The following TLE2 variants were observed in gnomAD, a reference collection of about 807,000 sequenced individuals.
TLE2 encodes the protein TLE family member 2, transcriptional corepressor.
In TLE2, 74 loss-of-function variants were observed where a neutral mutation model predicts 97.2. The ratio of observed to expected loss-of-function variants is 0.76; its 90% confidence interval spans 0.63 to 0.92. The LOEUF (loss-of-function observed/expected upper bound fraction) is 0.92. Ranked by LOEUF, TLE2 falls within the 40% of genes least tolerant of loss-of-function variation. The pLI is 0.00. For missense variants in TLE2, 1,038 were observed against 1,008.7 expected (o/e 1.03, Z -0.39); for synonymous variants, 499 against 432.1 (o/e 1.15, Z -1.92).
In TLE2 at chr19:3,006,556, G is replaced by A; in HGVS notation, c.1364C>T (p.Ala455Val). 1 of 1,603,956 alleles carries A rather than the reference G, an allele frequency of 6.2e-7. No individual in the cohort carries two copies. Among genetic ancestry groups the A allele is most frequent in the Non-Finnish European group, 8.5e-7 (1 of 1,176,314 alleles). The change falls in exon 15 of 20, where the codon GCC becomes GTC. Residue 455 changes from alanine to valine, a missense_variant. Physicochemically the swap from Ala to Val is moderately conservative, Grantham distance 64 (BLOSUM62 0). Transcript: ENST00000262953. ...GACCGCGCAGACCACCTCGCCATGG[G>A]CCAGCGTGTGCAGCTGCCGGGCGTG... The part of the protein sequence containing the change: ...PRHARQLHTL[A>V]HGEVVCAVTI...
chr19:3,005,856 C>A lies in TLE2; in HGVS notation c.1613G>T (p.Arg538Leu), dbSNP rs1013552367. The A allele has an allele frequency of 2.5e-6, 4 of 1,613,910 alleles. No homozygotes were observed. Among genetic ancestry groups the A allele is most frequent in the Non-Finnish European group, 2.5e-6 (3 of 1,179,880 alleles). The change falls in exon 16 of 20, where the codon CGT becomes CTT. Residue 538 changes from arginine (R) to leucine (L), a missense_variant. Transcript: ENST00000262953. ...TGAGGAAGTCAGCTCGGCCTTGATA[C>A]GGGGGGTGGGCGCCGCCAGGTCCCA... is the stretch of plus-strand genomic sequence containing the variant. ...SIWDLAAPTPRIKAELTSSAP... is the reference protein window; with the variant it reads ...SIWDLAAPTPLIKAELTSSAP...
At chr19:3,025,204 C>G in intron 4 of TLE2, 122 bp from the exon 5 acceptor site, 1 of 1,134,684 alleles carries the variant, frequency 8.8e-7, no homozygotes, top group South Asian at 1.7e-5. Context: ...CCCGCAGGTG[C>G]ACAGAGGGAA....
chr19:3,035,886 G>T (rs558156089), intron 1 of TLE2, among the ~76,000 whole-genome samples: 4 of 151,856 alleles, frequency 2.6e-5, no homozygotes, highest in Non-Finnish European at 5.9e-5. Flanking sequence ...ATTGGAGGAG[G>T]GGGGGCTAAG....
In TLE2 at chr19:3,016,341, C is replaced by G. The variant is rs796195977; in HGVS notation, c.571-581G>C. ...CTATAATCCCAGCACTTTGGGAGGC[C>G]GAGGCGGGCGGATCACAAGGTCAGG... is the stretch of plus-strand genomic sequence containing the variant. On this transcript the variant is annotated intron_variant, in intron 8 of 19. Transcript: ENST00000262953. Among the ~76,000 whole-genome samples, 5 of 146,138 alleles carry G rather than the reference C, an allele frequency of 3.4e-5. No individual in the cohort carries two copies. In the East Asian group the frequency reaches 1.0e-3, roughly 30 times the overall value.
chr19:3,023,911 AGAAAAG>A (rs1245199430), intron 5 of TLE2, among the ~76,000 whole-genome samples: 3 of 103,732 alleles, frequency 2.9e-5, no homozygotes, highest in African/African-American at 1.0e-4. Flanking sequence ...CACACACAAA[AGAAAAG>A]AAAAAGAAAA....
upstream of TLE2, among the ~76,000 whole-genome samples, chr19:3,046,520 G>T (rs1338993320): frequency 6.6e-6 from 1 of 152,162 alleles, no homozygotes; most frequent in African/African-American, 2.4e-5. Flanking sequence ...GGGTGCAGAT[G>T]GGGGGAAATG....
upstream of TLE2, chr19:3,045,864 T>A: frequency 2.9e-6 from 1 of 343,128 alleles, no homozygotes; most frequent in South Asian, 2.2e-5. Flanking sequence ...ATCCTGAATT[T>A]CCTGCATTTG....
At chr19:3,016,419 CA>C (rs34669546) in intron 8 of TLE2, among the ~76,000 whole-genome samples, 8,500 of 91,488 alleles carry the variant, frequency 0.093, 336 homozygotes, top group Middle Eastern at 0.12. Context: ...ACTAAAAATA[CA>C]AAAAAAAAAA....
chr19:3,006,416 T>G lies in TLE2; in HGVS notation c.1500+4A>C. 6.2e-7 allele frequency: 1 copy of G among 1,600,702 alleles called. No individual in the cohort carries two copies. Among genetic ancestry groups the G allele is most frequent in the Non-Finnish European group, 8.5e-7 (1 of 1,174,388 alleles). On this transcript the variant is annotated splice_donor_region_variant and intron_variant, in intron 15 of 19. Coordinates refer to ENST00000262953, the MANE Select transcript of TLE2 (RefSeq NM_003260.5). ...TCCCGCCCACTGTCCCACCCCGCCC[T>G]CACCAGGCAGTCGAGCTGGGCCACG... is the stretch of plus-strand genomic sequence containing the variant.
At chr19:3,007,744 C>T (rs2145134447) in intron 14 of TLE2, among the ~76,000 whole-genome samples, 1 of 152,250 alleles carries the variant, frequency 6.6e-6, no homozygotes, top group South Asian at 2.1e-4. Flanking sequence ...TCCTAGGAGC[C>T]CCGGCCACCT....
intron 1 of TLE2, among the ~76,000 whole-genome samples, chr19:3,043,568 C>G (rs910200738): frequency 2.0e-5 from 3 of 150,586 alleles, no homozygotes; most frequent in Non-Finnish European, 2.9e-5. Context: ...GAGGCCAAGA[C>G]GAGCGGATCA....
chr19:3,029,086 G>T lies in TLE2; in HGVS notation c.-182C>A. 7.9e-7 allele frequency: 1 copy of T among 1,272,230 alleles called. No individual in the cohort carries two copies. The highest frequency in any genetic ancestry group is 2.7e-5 in the South Asian group (1 of 36,670). 78.8% of individuals were successfully genotyped at this position (1,272,230 alleles called of 1,614,324 possible). A position where few individuals can be genotyped will look rare whatever the true frequency, so the allele number is the denominator to read the frequency against. ...GCGCCCCCAAGCGCGCGCGCCCGGG[G>T]TCGTGGGAGCCCCTCCCCGGGTTGG... On this transcript the variant is annotated 5_prime_UTR_variant, in exon 1 of 20. Coordinates refer to ENST00000262953, the MANE Select transcript of TLE2 (RefSeq NM_003260.5).
intron 1 of TLE2, among the ~76,000 whole-genome samples, chr19:3,038,834 C>T (rs893855086): frequency 7.2e-5 from 11 of 152,132 alleles, no homozygotes; most frequent in Admixed American, 2.6e-4. Flanking sequence ...CACCTGAGGT[C>T]GGGAGTTCAA....
chr19:3,004,898 G>T (rs1322108302), intron 17 of TLE2, among the ~76,000 whole-genome samples: 1 of 152,080 alleles, frequency 6.6e-6, no homozygotes, highest in Non-Finnish European at 1.5e-5. Context: ...GGGTCACGGT[G>T]CCTGAAGATT....
At chr19:3,009,234 C>T (rs2089539988) in intron 13 of TLE2, among the ~76,000 whole-genome samples, 1 of 152,202 alleles carries the variant, frequency 6.6e-6, no homozygotes, top group South Asian at 2.1e-4. Context: ...CTGAAAACTC[C>T]AGCCCCTCCC....
At position 3,019,743 on chromosome 19, in the gene TLE2, G is replaced by A. The variant is rs200839990; in HGVS notation, c.325C>T (p.Arg109Cys). The change falls in exon 6 of 20, where the codon CGC (arginine) becomes TGC (cysteine). Residue 109 changes from arginine (R) to cysteine (C), a missense_variant. Coordinates refer to ENST00000262953, the MANE Select transcript of TLE2 (RefSeq NM_003260.5). The surrounding 1 kb of genome is among the most constrained non-coding windows in gnomAD (Gnocchi z 5.1). ...TCCCCCACGGTGACCTGCTTGGCGC[G>A]TTCTACGGCCTGGAGCACCTGCTGC... The part of the protein sequence containing the change: ...HQQQVLQAVE[R>C]AKQVTVGELN... 474 of 1,613,132 alleles carry A rather than the reference G, an allele frequency of 2.9e-4. No individual in the cohort carries two copies. In the Middle Eastern group the frequency reaches 3.6e-3, roughly 12 times the overall value.
At chr19:3,012,008 G>A (rs2089607925) in intron 11 of TLE2, among the ~76,000 whole-genome samples, 2 of 152,030 alleles carry the variant, frequency 1.3e-5, no homozygotes, top group South Asian at 4.1e-4. Context: ...ACTTTAGGAG[G>A]CCAAGGTGGG....
At chr19:3,023,994 CTTTT>C (rs372319602) in intron 5 of TLE2, among the ~76,000 whole-genome samples, 4 of 123,070 alleles carry the variant, frequency 3.3e-5, no homozygotes, top group South Asian at 2.6e-4. Flanking sequence ...GAAGAGCTAA[CTTTT>C]TTTTTTTTTT....
At chr19:3,011,865 C>G (rs1489845775) in intron 11 of TLE2, among the ~76,000 whole-genome samples, 1 of 150,022 alleles carries the variant, frequency 6.7e-6, no homozygotes, top group Non-Finnish European at 1.5e-5. Flanking sequence ...AAAAACAAAA[C>G]AAAAAAAAGG....
Sources: gnomAD v4.1 joint callset for allele counts (sites outside exome capture counted in the v4.1 genomes callset) on GRCh38, gnomAD v4.1.1 for gene constraint, Gnocchi (gnomAD v3.1) non-coding constraint, MANE v1.5 for transcripts, NCBI Gene and HGNC (gene_info 2026-07-23, HGNC 2026-07-21) for gene names.